UBQLN1: variants seen among roughly 807,000 people sequenced by gnomAD.
The protein encoded by UBQLN1 is ubiquilin-1.
In UBQLN1, 13 loss-of-function variants were observed where a neutral mutation model predicts 65.4. The observed-to-expected ratio is 0.20, with a 90% confidence interval of 0.13 to 0.32. UBQLN1 has a LOEUF of 0.32. UBQLN1 is among the 10% of genes least tolerant of loss of function. The pLI, the probability that UBQLN1 is intolerant of heterozygous loss-of-function variation, is 1.00. For missense variants in UBQLN1, 561 were observed against 724.0 expected, an observed-to-expected ratio of 0.77 and a Z score of 2.58; for synonymous variants, 267 against 247.8, an observed-to-expected ratio of 1.08 and a Z score of -0.73.
intron 6 of UBQLN1, among the ~76,000 whole-genome samples, chr9:83,676,080 C>T (rs1226993965): frequency 6.6e-6 from 1 of 152,158 alleles, no homozygotes; most frequent in Non-Finnish European, 1.5e-5. Flanking sequence ...CTAACACTTC[C>T]TTACATTCTA....
At position 83,707,835 on chromosome 9, in the gene UBQLN1, G is replaced by A. The variant is rs113921411; in HGVS notation, c.-156C>T. On this transcript the variant is annotated 5_prime_UTR_variant, in exon 1 of 11. Coordinates refer to ENST00000376395, the MANE Select transcript of UBQLN1 (RefSeq NM_013438.5). The stretch of plus-strand genomic sequence containing the variant: ...CGGGCGCAGGGCCACCGTAGCGGGT[G>A]TGGGGCCCCGGAGCTCGGTGCAGGC... The A allele has an allele frequency of 2.5e-6, 3 of 1,182,836 alleles. No individual in the cohort carries two copies. In the East Asian group the frequency reaches 9.2e-5, roughly 36 times the overall value. The allele number at this position is 1,182,836 out of a possible 1,614,324, so 73.3% of individuals were successfully genotyped here.
At chr9:83,663,818 A>C in intron 10 of UBQLN1, 57 bp downstream of exon 10, 1 of 1,555,702 alleles carries the variant, frequency 6.4e-7, no homozygotes, top group Non-Finnish European at 8.7e-7. Context: ...TCTTTTTGGA[A>C]ATTTCTAAAT....
chr9:83,677,455 G>A (rs531638114), intron 6 of UBQLN1, among the ~76,000 whole-genome samples: 8 of 152,220 alleles, frequency 5.3e-5, no homozygotes, highest in Admixed American at 1.3e-4. Context: ...CCAGCTACTC[G>A]GGAGGCTGAG....
chr9:83,678,652 G>A, intron 4 of UBQLN1, 53 bp from the exon 5 acceptor site: 1 of 1,524,852 alleles, frequency 6.6e-7, no homozygotes, highest in Non-Finnish European at 8.9e-7. Flanking sequence ...AAATACACAT[G>A]AATTACATTA....
chr9:83,664,374 G>A (rs536840495), intron 9 of UBQLN1, among the ~76,000 whole-genome samples: 33 of 152,198 alleles, frequency 2.2e-4, no homozygotes, highest in African/African-American at 7.0e-4. Context: ...AGCTGAGATC[G>A]CGCCACTGCA....
At chr9:83,673,287 CT>C (rs1384848010) in intron 6 of UBQLN1, among the ~76,000 whole-genome samples, 2 of 150,802 alleles carry the variant, frequency 1.3e-5, no homozygotes, top group Admixed American at 6.6e-5. Context: ...ACCTGTAATC[CT>C]AGCACTTTGG....
At chr9:83,695,989 G>A (rs577515037) in intron 1 of UBQLN1, among the ~76,000 whole-genome samples, 1 of 151,550 alleles carries the variant, frequency 6.6e-6, no homozygotes, top group Admixed American at 6.6e-5. Flanking sequence ...TGCCAGGATA[G>A]AGTGCAGTCG....
Position 83,663,939 on chromosome 9 carries a change from G to GTGGT in UBQLN1, c.1549_1552dup (p.Thr518AsnfsTer3). 1 of 1,614,218 alleles carries GTGGT rather than the reference G, an allele frequency of 6.2e-7. No individual in the cohort carries two copies. Among genetic ancestry groups the GTGGT allele is most frequent in the Non-Finnish European group, 8.5e-7 (1 of 1,180,030 alleles). ...AATAAACTGCTGATGTCCAGGTTCAGTGGTTCCTGCTGTGGGACTTGTGTT... is the reference window on the plus strand; with the variant it reads ...AATAAACTGCTGATGTCCAGGTTCAGTGGTTGGTTCCTGCTGTGGGACTTGTGTT... On this transcript the variant is annotated frameshift_variant, in exon 10 of 11. Coordinates refer to ENST00000376395, the MANE Select transcript of UBQLN1 (RefSeq NM_013438.5). LOFTEE classifies it high-confidence loss of function.
intron 1 of UBQLN1, among the ~76,000 whole-genome samples, chr9:83,689,399 T>C (rs1262401861): frequency 1.3e-5 from 2 of 152,184 alleles, no homozygotes; most frequent in African/African-American, 2.4e-5. Context: ...ACTGACAGAC[T>C]AAATGGGCAA....
chr9:83,665,007 T>C (rs1831621672), intron 9 of UBQLN1, 23 bp downstream of exon 9: 8 of 1,532,068 alleles, frequency 5.2e-6, no homozygotes, highest in Non-Finnish European at 7.2e-6. Context: ...TACACTTTCA[T>C]TATCTTCCCC....
intron 5 of UBQLN1, 40 bp from the exon 6 acceptor site, chr9:83,678,001 T>G (rs577632330): frequency 1.3e-6 from 2 of 1,490,082 alleles, no homozygotes; most frequent in East Asian, 4.6e-5. Flanking sequence ...GAATAAGCTT[T>G]TGTTTTAAAT....
At chr9:83,691,175 C>CATAT (rs200321955) in intron 1 of UBQLN1, among the ~76,000 whole-genome samples, 3 of 141,830 alleles carry the variant, frequency 2.1e-5, no homozygotes, top group Non-Finnish European at 4.5e-5. Flanking sequence ...ACAATATATA[C>CATAT]ATATATATAT....
intron 2 of UBQLN1, among the ~76,000 whole-genome samples, chr9:83,684,838 T>G (rs1009312912): frequency 2.2e-5 from 3 of 136,072 alleles, no homozygotes; most frequent in Non-Finnish European, 4.8e-5. Flanking sequence ...AGTAAGGAAA[T>G]AAAAAAAACC....
At chr9:83,677,698 G>T in intron 6 of UBQLN1, 29 bp downstream of exon 6, 1 of 1,551,108 alleles carries the variant, frequency 6.4e-7, no homozygotes, top group Non-Finnish European at 8.8e-7. Context: ...GGACAACAAA[G>T]AAAAAAGCCT....
intron 1 of UBQLN1, among the ~76,000 whole-genome samples, chr9:83,704,048 G>A (rs1353470407): frequency 1.3e-5 from 2 of 152,020 alleles, no homozygotes; most frequent in Non-Finnish European, 2.9e-5. Context: ...TATAGAAAAC[G>A]GAATTTGTCT....
chr9:83,699,006 C>T (rs1307206511), intron 1 of UBQLN1, among the ~76,000 whole-genome samples: 1 of 151,892 alleles, frequency 6.6e-6, no homozygotes, highest in Non-Finnish European at 1.5e-5. Context: ...TCACAAAAGG[C>T]CAAACACTGT....
intron 3 of UBQLN1, 123 bp from the exon 4 acceptor site, chr9:83,680,160 T>A: frequency 9.1e-7 from 1 of 1,098,246 alleles, no homozygotes; most frequent in Non-Finnish European, 1.3e-6. Context: ...AGAAATCATT[T>A]AAAAACAAAT....
At chr9:83,671,755 A>G (rs965998673) in intron 6 of UBQLN1, among the ~76,000 whole-genome samples, 4 of 152,218 alleles carry the variant, frequency 2.6e-5, no homozygotes, top group Non-Finnish European at 5.9e-5. Context: ...CTGGAATAAT[A>G]AATGAGCACT....
At chr9:83,662,622 A>C (rs180717820) in intron 10 of UBQLN1, among the ~76,000 whole-genome samples, 1 of 152,318 alleles carries the variant, frequency 6.6e-6, no homozygotes, top group African/African-American at 2.4e-5. Context: ...AAGTTAACTT[A>C]TGTCACAATT....
Sources: gnomAD v4.1 joint callset for allele counts (sites outside exome capture counted in the v4.1 genomes callset) on GRCh38, gnomAD v4.1.1 for gene constraint, MANE v1.5 for transcripts, NCBI Gene and HGNC (gene_info 2026-07-23, HGNC 2026-07-21) for gene names.